SLC4A7: variants seen among roughly 807,000 people sequenced by gnomAD.
SLC4A7 encodes the protein sodium bicarbonate cotransporter 3.
SLC4A7 carries 51 observed loss-of-function variants against 137.6 expected under a neutral mutation model. The ratio of observed to expected loss-of-function variants is 0.37; its 90% CI spans 0.30 to 0.47. The LOEUF is 0.47. SLC4A7 is among the 20% of genes least tolerant of loss of function. The pLI is 1.00. For synonymous variants in SLC4A7, 542 were observed against 518.6 expected (o/e 1.05, Z -0.61); for missense variants, 1,247 against 1,525.4 (o/e 0.82, Z 3.04).
chr3:27,466,187 C>A lies in SLC4A7; in HGVS notation c.61-13689G>T, dbSNP rs554943346. 2.7e-3 allele frequency among the ~76,000 whole-genome samples: 414 copies of A among 151,382 alleles called. 3 individuals carry two copies. Among genetic ancestry groups the A allele is most frequent in the Non-Finnish European group, 4.1e-3 (276 of 67,832 alleles). On this transcript the variant is annotated intron_variant, in intron 1 of 25. Transcript: ENST00000454389. ...GGTACATTGGCTGGGCGCGGTGGCT[C>A]ACGCCTGTAATCCCAGCACTTTGGG...
intron 1 of SLC4A7, among the ~76,000 whole-genome samples, chr3:27,462,281 A>G (rs1222568550): frequency 1.3e-5 from 2 of 152,192 alleles, no homozygotes; most frequent in Non-Finnish European, 2.9e-5. Flanking sequence ...GTGCAGCAAT[A>G]TGACTTCTGT....
At chr3:27,453,905 T>C (rs1400963830) in intron 1 of SLC4A7, among the ~76,000 whole-genome samples, 1 of 152,174 alleles carries the variant, frequency 6.6e-6, no homozygotes, top group South Asian at 2.1e-4. Context: ...CTCTGAATGA[T>C]TGGTGTTCAA....
chr3:27,426,893 AT>A (rs2055688313), intron 7 of SLC4A7, among the ~76,000 whole-genome samples: 1 of 152,212 alleles, frequency 6.6e-6, no homozygotes. Flanking sequence ...TTACAAAAAA[AT>A]AAAGCTATCA....
intron 11 of SLC4A7, among the ~76,000 whole-genome samples, 154 bp downstream of exon 11, chr3:27,418,332 A>G (rs1450990052): frequency 6.6e-6 from 1 of 152,224 alleles, no homozygotes; most frequent in East Asian, 1.9e-4. Flanking sequence ...CTAGTAAAAA[A>G]TGGTCCACCC....
intron 23 of SLC4A7, among the ~76,000 whole-genome samples, chr3:27,384,933 T>A (rs1200974777): frequency 6.6e-6 from 1 of 151,992 alleles, no homozygotes; most frequent in Admixed American, 6.6e-5. Flanking sequence ...AGAGCAAGAC[T>A]CCATCTCAGA....
chr3:27,404,316 A>C (rs1205290487), intron 14 of SLC4A7, among the ~76,000 whole-genome samples: 1 of 152,190 alleles, frequency 6.6e-6, no homozygotes, highest in East Asian at 1.9e-4. Context: ...GCAGTGAGCC[A>C]AGATCGCACC....
In SLC4A7 at chr3:27,418,469, T is replaced by TG. The variant is rs567626511; in HGVS notation, c.1659+16_1659+17insC. 1,749 of 1,587,296 alleles carry TG rather than the reference T, an allele frequency of 1.1e-3. 2 individuals are homozygous for TG. The highest frequency in any genetic ancestry group is 1.4e-3 in the Non-Finnish European group (1,660 of 1,169,396). ...TAAAATAAAGTAAGTCACAGAAGAA[T>TG]AGCTCTGGATTCTTACCTGAGAAGG... On this transcript the variant is annotated intron_variant, in intron 11 of 25. Coordinates refer to ENST00000454389, the MANE Select transcript of SLC4A7 (RefSeq NM_001321103.2).
intron 7 of SLC4A7, among the ~76,000 whole-genome samples, chr3:27,430,467 G>A (rs66743193): frequency 0.17 from 25,200 of 150,042 alleles, 2,464 homozygotes; most frequent in Non-Finnish European, 0.23. Context: ...TACAAAACAC[G>A]AAAATTAACC....
intron 10 of SLC4A7, among the ~76,000 whole-genome samples, chr3:27,420,109 G>A (rs571163739): frequency 8.2e-4 from 124 of 151,686 alleles, no homozygotes; most frequent in African/African-American, 2.9e-3. Context: ...GAATTGCAGT[G>A]AGCCGAGATT....
Position 27,480,455 on chromosome 3 carries a change from C to A in SLC4A7, c.60+3612G>T, listed in dbSNP as rs1211893027. On this transcript the variant is annotated intron_variant, in intron 1 of 25. Transcript: ENST00000454389. ...TGTTGCCCAGGCTGGTCTCAAACCC[C>A]CTAGGCTCAAGTGATCCTCCCACTT... is the stretch of plus-strand genomic sequence containing the variant. 2.0e-5 allele frequency among the ~76,000 whole-genome samples: 3 copies of A among 152,248 alleles called. No homozygotes were observed. The South Asian group carries it at 6.2e-4, about 32-fold the overall frequency.
At position 27,434,157 on chromosome 3, in the gene SLC4A7, A is replaced by G. The variant is rs953687844; in HGVS notation, c.590-53T>C. The G allele has an allele frequency of 3.0e-6, 4 of 1,326,236 alleles. No homozygotes were observed. The African/African-American group carries it at 6.0e-5, about 20-fold the overall frequency. 82.2% of individuals were successfully genotyped at this position (1,326,236 alleles called of 1,614,324 possible). The stretch of plus-strand genomic sequence containing the variant: ...CTAAACACTCAGATGACCATAATAT[A>G]GGAATAAACTGTGAGTGAAACCTTA... On this transcript the variant is annotated intron_variant, in intron 5 of 25. Transcript: ENST00000454389.
At chr3:27,433,853 A>C in intron 6 of SLC4A7, 63 bp downstream of exon 6, 1 of 1,362,180 alleles carries the variant, frequency 7.3e-7, no homozygotes, top group Non-Finnish European at 1.0e-6. Context: ...GTTAATCGTA[A>C]CATACTGGAA....
At chr3:27,383,553 TGA>T (rs1426146982) in intron 23 of SLC4A7, among the ~76,000 whole-genome samples, 3 of 152,210 alleles carry the variant, frequency 2.0e-5, no homozygotes, top group South Asian at 4.1e-4. Context: ...AGGTTTATAA[TGA>T]GAGATAACAT....
chr3:27,407,412 G>T (rs776869601), intron 13 of SLC4A7, among the ~76,000 whole-genome samples: 1 of 151,018 alleles, frequency 6.6e-6, no homozygotes, highest in Non-Finnish European at 1.5e-5. Flanking sequence ...CCCGAGAAGC[G>T]GAGGTTGCAG....
chr3:27,409,034 A>T (rs1365446263), intron 13 of SLC4A7, among the ~76,000 whole-genome samples: 1 of 152,146 alleles, frequency 6.6e-6, no homozygotes. Flanking sequence ...CCCACCCAGA[A>T]TCAGTTCAAC....
rs143321559 is a variant in SLC4A7 at position 27,426,623 on chromosome 3, T to C, written c.1151-2471A>G. 2.8e-3 allele frequency among the ~76,000 whole-genome samples: 433 copies of C among 152,290 alleles called. 2 individuals are homozygous for C. Among genetic ancestry groups the C allele is most frequent in the African/African-American group, 0.01 (418 of 41,558 alleles). On this transcript the variant is annotated intron_variant, in intron 7 of 25. Coordinates refer to ENST00000454389, the MANE Select transcript of SLC4A7 (RefSeq NM_001321103.2). ...AGAAGACTCTAAGGAAAAGTAAGGA[T>C]ATGCCAGCAATGAGAAGAAGAAATA...
chr3:27,462,395 A>G (rs2058747929), intron 1 of SLC4A7: 1 of 152,018 alleles, frequency 6.6e-6, no homozygotes, highest in Non-Finnish European at 1.5e-5. Context: ...TGGTCAACCC[A>G]CTCCTGCTCC....
intron 15 of SLC4A7, among the ~76,000 whole-genome samples, chr3:27,402,430 T>C (rs962680168): frequency 6.6e-6 from 1 of 152,202 alleles, no homozygotes; most frequent in Non-Finnish European, 1.5e-5. Context: ...CCGGGCACAG[T>C]GGCTCACGCC....
At position 27,400,861 on chromosome 3, in the gene SLC4A7, C is replaced by A. The variant is rs1285883778; in HGVS notation, c.2330G>T (p.Cys777Phe). 1.9e-6 allele frequency: 3 copies of A among 1,560,878 alleles called. No homozygotes were observed. The highest frequency in any genetic ancestry group is 2.6e-6 in the Non-Finnish European group (3 of 1,133,866). ...ATTGCTGGGGTTTGGAGGTTCAGTACATACACATCTGAGAAATTAGAGTAG... is the reference window on the plus strand; with the variant it reads ...ATTGCTGGGGTTTGGAGGTTCAGTAAATACACATCTGAGAAATTAGAGTAG... Reference protein sequence around the residue: ...LDKLTSYSCVCTEPPNPSNET... With the variant: ...LDKLTSYSCVFTEPPNPSNET... The change falls in exon 16 of 26, where the codon TGT (cysteine) becomes TTT (phenylalanine). Residue 777 changes from cysteine to phenylalanine, a missense_variant. By Grantham distance (205) the Cys-to-Phe change is radical. Around this residue, in one of 6 missense-constraint regions of SLC4A7, gnomAD observed 499 missense variants for 664.2 expected, o/e 0.75. Coordinates refer to ENST00000454389, the MANE Select transcript of SLC4A7 (RefSeq NM_001321103.2).
Sources: gnomAD v4.1 joint callset for allele counts (sites outside exome capture counted in the v4.1 genomes callset) on GRCh38, gnomAD v4.1.1 for gene constraint, gnomAD v4.1.1 regional missense constraint, MANE v1.5 for transcripts, NCBI Gene and HGNC (gene_info 2026-07-23, HGNC 2026-07-21) for gene names.